Variants in TVP23C observed in about 807,000 individuals in gnomAD.
TVP23C encodes the protein trans-golgi network vesicle protein 23 homolog C, also known as Golgi apparatus membrane protein TVP23 homolog C.
TVP23C carries 19 observed loss-of-function variants against 28.7 expected under a neutral mutation model. The observed-to-expected ratio is 0.66, with a 90% CI of 0.46 to 0.97. The LOEUF (loss-of-function observed/expected upper bound fraction) is 0.97, where lower values mean the gene tolerates loss of function less well. Ranked by LOEUF, TVP23C falls within the 50% of genes least tolerant of loss-of-function variation. The pLI is 0.00. For synonymous variants in TVP23C, 68 were observed against 81.7 expected, an observed-to-expected ratio of 0.83 and a Z score of 0.90; for missense variants, 186 against 241.3, an observed-to-expected ratio of 0.77 and a Z score of 1.52.
At chr17:15,518,167 CAAAAAA>C (rs895582466) in intron 5 of TVP23C, among the ~76,000 whole-genome samples, 3 of 54,300 alleles carry the variant, frequency 5.5e-5, no homozygotes, top group East Asian at 1.4e-3. Context: ...GACTCCATCT[CAAAAAA>C]AAAAAAAAAA....
At chr17:15,503,056 A>T (rs774246615) in exon 6 of TVP23C, 8 of 1,610,372 alleles carry the variant, frequency 5.0e-6, no homozygotes, top group African/African-American at 2.8e-5. Context: ...GTTTCCAGTA[A>T]AGAGCTCGAT....
In TVP23C at chr17:15,537,857, C is replaced by T; in HGVS notation, c.*2555G>A. On this transcript the variant is annotated 3_prime_UTR_variant, in exon 6 of 6. Transcript: ENST00000518321. Reference sequence around the variant, plus strand: ...CTTGGGATATACAGGTATTACATGGCCGTGTGCATACCTATGGAATGTGCA... The same window carrying T: ...CTTGGGATATACAGGTATTACATGGTCGTGTGCATACCTATGGAATGTGCA... The T allele has an allele frequency of 7.7e-7, 1 of 1,301,552 alleles. No homozygotes were observed. Among genetic ancestry groups the T allele is most frequent in the Non-Finnish European group, 9.7e-7 (1 of 1,026,430 alleles). The allele number at this position is 1,301,552 out of a possible 1,614,324, so 80.6% of individuals were successfully genotyped here.
intron 5 of TVP23C, among the ~76,000 whole-genome samples, chr17:15,531,505 TCG>T (rs1223570577): frequency 1.7e-3 from 263 of 152,332 alleles, no homozygotes; most frequent in African/African-American, 6.0e-3. Context: ...TTTCTGTTCC[TCG>T]GACTGGATAA....
In TVP23C at chr17:15,538,213, G is replaced by A. The variant is rs1457007158; in HGVS notation, c.*2199C>T. The A allele has an allele frequency of 1.1e-5, 17 of 1,612,638 alleles. No homozygotes were observed. The highest frequency in any genetic ancestry group is 4.0e-5 in the African/African-American group (3 of 74,648). On this transcript the variant is annotated 3_prime_UTR_variant, in exon 6 of 6. Coordinates refer to ENST00000518321, the MANE Select transcript of TVP23C (RefSeq NM_001135036.2). Reference sequence around the variant, plus strand: ...AAGTTATTTCACTTCACACACCATGGACTTGGGGCCTAGGCCTAGGAAAAC... The same window carrying A: ...AAGTTATTTCACTTCACACACCATGAACTTGGGGCCTAGGCCTAGGAAAAC...
In TVP23C at chr17:15,543,291, G is replaced by A. The variant is rs1016726129; in HGVS notation, c.462+2494C>T. Among the ~76,000 whole-genome samples the A allele has an allele frequency of 7.3e-5, 11 of 150,036 alleles. No individual in the cohort carries two copies. The South Asian group carries it at 8.5e-4, about 12-fold the overall frequency. On this transcript the variant is annotated intron_variant, in intron 5 of 5. Transcript: ENST00000518321. ...GAAGGTGGTCAAGGGGGATTCACCC[G>A]CACTAAACCAGCAGAAAGAGAAGGG... is the stretch of plus-strand genomic sequence containing the variant.
chr17:15,552,886 G>A (rs1317854635), intron 3 of TVP23C, among the ~76,000 whole-genome samples: 1 of 150,004 alleles, frequency 6.7e-6, no homozygotes, highest in Non-Finnish European at 1.5e-5. Context: ...ATCATCTAGA[G>A]TCCATATTTA....
chr17:15,538,753 C>G lies in TVP23C; in HGVS notation c.*1659G>C. The G allele has an allele frequency of 2.0e-6, 2 of 985,384 alleles. No individual in the cohort carries two copies. The highest frequency in any genetic ancestry group is 2.4e-6 in the Non-Finnish European group (2 of 829,928). 61.0% of individuals were successfully genotyped at this position (985,384 alleles called of 1,614,324 possible). On this transcript the variant is annotated 3_prime_UTR_variant, in exon 6 of 6. Coordinates refer to ENST00000518321, the MANE Select transcript of TVP23C (RefSeq NM_001135036.2). ...ATGCCAGGTTTAAGGTTTAATTTCACCTGTATTCCATGTTCCTCCCCACCT... is the reference window on the plus strand; with the variant it reads ...ATGCCAGGTTTAAGGTTTAATTTCAGCTGTATTCCATGTTCCTCCCCACCT...
intron 5 of TVP23C, among the ~76,000 whole-genome samples, chr17:15,544,602 T>C (rs1273496188): frequency 6.6e-6 from 1 of 151,738 alleles, no homozygotes; most frequent in Non-Finnish European, 1.5e-5. Context: ...AGCAAAACTC[T>C]AGAGGTAGGA....
intron 3 of TVP23C, among the ~76,000 whole-genome samples, chr17:15,551,127 T>G (rs1983864664): frequency 6.6e-6 from 1 of 152,268 alleles, no homozygotes; most frequent in African/African-American, 2.4e-5. Context: ...TTATTGTTTT[T>G]TTTTTTTGAG....
chr17:15,542,151 A>G (rs1983437481), intron 5 of TVP23C, among the ~76,000 whole-genome samples: 1 of 152,242 alleles, frequency 6.6e-6, no homozygotes, highest in Non-Finnish European at 1.5e-5. Flanking sequence ...AAGAAGCTCT[A>G]AGGAAAATTT....
chr17:15,551,802 G>C (rs1276339420), intron 3 of TVP23C, among the ~76,000 whole-genome samples: 2 of 152,148 alleles, frequency 1.3e-5, no homozygotes, highest in African/African-American at 2.4e-5. Context: ...TTTAGATGAA[G>C]ATTGATTTTT....
intron 5 of TVP23C, among the ~76,000 whole-genome samples, chr17:15,521,225 C>G (rs1265071407): frequency 6.6e-6 from 1 of 152,036 alleles, no homozygotes; most frequent in African/African-American, 2.4e-5. Context: ...TATAATCTGG[C>G]CAGGTGCGGT....
At chr17:15,555,508 C>T in intron 1 of TVP23C, 144 bp from the exon 2 acceptor site, 1 of 1,332,292 alleles carries the variant, frequency 7.5e-7, no homozygotes, top group South Asian at 1.5e-5. Flanking sequence ...GAAAAGGACA[C>T]ATGCAGATCC....
At chr17:15,526,986 C>T (rs1439064691) in intron 5 of TVP23C, among the ~76,000 whole-genome samples, 2 of 152,108 alleles carry the variant, frequency 1.3e-5, no homozygotes, top group African/African-American at 4.8e-5. Context: ...GCACTAGGCC[C>T]CAGTAGACCA....
chr17:15,536,342 C>T (rs1293379501), downstream of TVP23C, among the ~76,000 whole-genome samples: 1 of 152,078 alleles, frequency 6.6e-6, no homozygotes, highest in Non-Finnish European at 1.5e-5. Context: ...TTGTGTCTAC[C>T]TTTCAGGAAA....
chr17:15,553,978 T>C (rs1254875445), intron 2 of TVP23C, 149 bp from the exon 3 acceptor site: 19 of 1,401,216 alleles, frequency 1.4e-5, no homozygotes, highest in Non-Finnish European at 1.5e-5. Flanking sequence ...GCAAACCTCC[T>C]AGCTCTCTTT....
chr17:15,532,912 T>C (rs1469291834), downstream of TVP23C, among the ~76,000 whole-genome samples: 20 of 152,342 alleles, frequency 1.3e-4, no homozygotes, highest in East Asian at 2.3e-3. Context: ...TCAAATTTCA[T>C]AGAATGTCCA....
chr17:15,518,066 G>A (rs1982308107), intron 5 of TVP23C, among the ~76,000 whole-genome samples: 1 of 151,372 alleles, frequency 6.6e-6, no homozygotes, highest in Non-Finnish European at 1.5e-5. Flanking sequence ...TACTTGGGAG[G>A]CTGAAGCAGG....
At chr17:15,543,193 G>A (rs1983495800) in intron 5 of TVP23C, among the ~76,000 whole-genome samples, 1 of 142,756 alleles carries the variant, frequency 7.0e-6, no homozygotes, top group South Asian at 2.2e-4. Flanking sequence ...CATCACACCT[G>A]TGCCTTCAGG....
Sources: allele counts gnomAD v4.1 joint callset (sites outside exome capture counted in the v4.1 genomes callset), GRCh38; gene constraint gnomAD v4.1.1; transcripts MANE v1.5; gene names NCBI Gene and HGNC (gene_info 2026-07-23, HGNC 2026-07-21).